The following MCF2L variants were observed in gnomAD, a reference collection of about 807,000 sequenced individuals.
MCF2L encodes the protein guanine nucleotide exchange factor DBS.
In MCF2L, 97 loss-of-function variants were observed where a neutral mutation model predicts 153.4. The observed-to-expected ratio is 0.63, with a 90% CI of 0.54 to 0.75. MCF2L has a LOEUF of 0.75. Among genes scored for constraint, MCF2L ranks in the 30% least tolerant of loss-of-function variants. MCF2L has a pLI of 0.00. For missense variants in MCF2L, 1,347 were observed against 1,495.2 expected (o/e 0.90, Z 1.64); for synonymous variants, 659 against 632.2 (o/e 1.04, Z -0.64).
intron 1 of MCF2L, among the ~76,000 whole-genome samples, chr13:112,900,507 G>A (rs1040447448): frequency 4.6e-5 from 7 of 152,274 alleles, no homozygotes; most frequent in African/African-American, 1.4e-4. Flanking sequence ...TAGCAGCAAA[G>A]GGATGAGTTG....
chr13:113,070,768 T>G lies in MCF2L; in HGVS notation c.996+595T>G, dbSNP rs1392651734. On this transcript the variant is annotated intron_variant, in intron 9 of 29. Coordinates refer to ENST00000535094, the MANE Select transcript of MCF2L (RefSeq NM_001112732.3). The surrounding 1 kb of genome is among the most constrained non-coding windows in gnomAD (Gnocchi z 5.6). ...GCACAGCTCTCTGCAGACCCCCAGG[T>G]GCCGGTGGCTCACTCATTGTGTTCC... Among the ~76,000 whole-genome samples the G allele has an allele frequency of 6.6e-6, 1 of 152,228 alleles. No homozygotes were observed. Among genetic ancestry groups the G allele is most frequent in the Non-Finnish European group, 1.5e-5 (1 of 68,042 alleles).
At position 112,926,713 on chromosome 13, in the gene MCF2L, A is replaced by G. The variant is rs536724237; in HGVS notation, c.169+24342A>G. Among the ~76,000 whole-genome samples, 118 of 152,364 alleles carry G rather than the reference A, an allele frequency of 7.7e-4. 1 individual carries two copies. The highest frequency in any genetic ancestry group is 7.6e-3 in the Admixed American group (117 of 15,312). On this transcript the variant is annotated intron_variant, in intron 2 of 29. Transcript: ENST00000375608. ...TGTTAAGTGAAATAAGCCAGGCACA[A>G]AAAGACAAATCCTGCATGTTCTCAC... is the stretch of plus-strand genomic sequence containing the variant.
In MCF2L at chr13:113,027,085, C is replaced by T. The variant is rs923918995; in HGVS notation, c.278+2327C>T. ...ATCCTTAAATATGGCATCTGTATCC[C>T]GCACATTACATAAGGTGGCAAAACA... On this transcript the variant is annotated intron_variant, in intron 3 of 29. Transcript: ENST00000535094. This position sits in a 1 kb window ranked among gnomAD's most constrained non-coding sequence, Gnocchi z 4.8. The T allele has an allele frequency of 2.0e-5, 15 of 753,206 alleles. No homozygotes were observed. The highest frequency in any genetic ancestry group is 1.5e-4 in the African/African-American group (9 of 58,794). The allele number at this position is 753,206 out of a possible 1,614,324, so 46.7% of individuals were successfully genotyped here.
intron 1 of MCF2L, among the ~76,000 whole-genome samples, chr13:112,900,676 C>T (rs956068639): frequency 7.2e-5 from 11 of 152,016 alleles, no homozygotes; most frequent in African/African-American, 2.7e-4. Context: ...CTGTGAGGGG[C>T]ATGGGTGTGG....
rs930533452 is a variant in MCF2L, at chr13:113,031,622, G to A, written c.278+6864G>A. Among the ~76,000 whole-genome samples the A allele has an allele frequency of 8.5e-5, 13 of 152,142 alleles. No homozygotes were observed. The South Asian group carries it at 2.3e-3, about 27-fold the overall frequency. On this transcript the variant is annotated intron_variant, in intron 3 of 29. Coordinates refer to ENST00000535094, the MANE Select transcript of MCF2L (RefSeq NM_001112732.3). This position sits in a 1 kb window ranked among gnomAD's most constrained non-coding sequence, Gnocchi z 5.5. ...GAGGAGCTGGGAGATGGGGAGGAGG[G>A]CGGCGGCCCTCAGAGAAGGGACGAG... is the stretch of plus-strand genomic sequence containing the variant.
rs117202946 is a variant in MCF2L at position 113,055,565 on chromosome 13, G to A, written c.370-5028G>A. Among the ~76,000 whole-genome samples, 902 of 152,246 alleles carry A rather than the reference G, an allele frequency of 5.9e-3. 11 individuals carry two copies. The highest frequency in any genetic ancestry group is 7.1e-3 in the Non-Finnish European group (486 of 68,004). ...ACCATCAGAAAAAGACTGGTTTTCCGTAAATAGTGGTGTCCAATTTCACAG... is the reference window on the plus strand; with the variant it reads ...ACCATCAGAAAAAGACTGGTTTTCCATAAATAGTGGTGTCCAATTTCACAG... On this transcript the variant is annotated intron_variant, in intron 4 of 29. Transcript: ENST00000535094.
intron 1 of MCF2L, among the ~76,000 whole-genome samples, chr13:112,989,996 G>C (rs575400718): frequency 2.6e-5 from 4 of 152,308 alleles, no homozygotes; most frequent in African/African-American, 7.2e-5. Context: ...TTCGCTCCTA[G>C]GAGAATCAAA....
At chr13:113,095,847 G>A (rs2035601802) in intron 27 of MCF2L, 4 of 982,494 alleles carry the variant, frequency 4.1e-6, no homozygotes, top group Non-Finnish European at 4.9e-6. Flanking sequence ...TGCAGCATCC[G>A]CTGTGTGCCA....
chr13:112,979,074 A>G (rs1185032369), intron 1 of MCF2L, among the ~76,000 whole-genome samples: 1 of 152,228 alleles, frequency 6.6e-6, no homozygotes, highest in Non-Finnish European at 1.5e-5. Context: ...CCGGCCACGC[A>G]AAGCAACCTC....
At chr13:112,994,548 TC>T (rs1186563111) in intron 1 of MCF2L, among the ~76,000 whole-genome samples, 1 of 152,206 alleles carries the variant, frequency 6.6e-6, no homozygotes, top group African/African-American at 2.4e-5. Context: ...ACATTTGGAT[TC>T]CCCTTTGGTG....
intron 3 of MCF2L, among the ~76,000 whole-genome samples, chr13:113,029,842 G>GA (rs994507716): frequency 2.0e-5 from 3 of 152,178 alleles, no homozygotes; most frequent in Admixed American, 1.3e-4. Context: ...CTTTAAGTGG[G>GA]AAAAAAGTGA....
At chr13:112,942,541 T>C (rs1384481102) in intron 2 of MCF2L, among the ~76,000 whole-genome samples, 1 of 152,214 alleles carries the variant, frequency 6.6e-6, no homozygotes, top group African/African-American at 2.4e-5. Context: ...GTCTTGTGTC[T>C]TTATTTCTAC....
At chr13:113,095,969 T>C (rs1327679877) in intron 27 of MCF2L, 11 of 409,440 alleles carry the variant, frequency 2.7e-5, no homozygotes, top group African/African-American at 1.1e-4. Context: ...GCAGGACAGC[T>C]GCAGGGAGAG....
intron 2 of MCF2L, among the ~76,000 whole-genome samples, chr13:112,923,294 T>G (rs1378099383): frequency 7.3e-6 from 1 of 137,764 alleles, no homozygotes; most frequent in African/African-American, 2.7e-5. Flanking sequence ...GACGGAGTCT[T>G]GCTCTGTCAC....
intron 3 of MCF2L, chr13:113,040,850 G>A (rs898004090): frequency 6.6e-6 from 1 of 152,244 alleles, no homozygotes; most frequent in African/African-American, 2.4e-5. Flanking sequence ...TGCACCCGCA[G>A]GCCAGTGGGC....
chr13:112,957,506 C>T, intron 2 of MCF2L: 1 of 152,256 alleles, frequency 6.6e-6, no homozygotes, highest in Non-Finnish European at 1.5e-5. Context: ...GTGAGCTGGG[C>T]TTCCACCCTG....
At position 113,048,410 on chromosome 13, in the gene MCF2L, T is replaced by C. The variant is rs11840702; in HGVS notation, c.369+3049T>C. On this transcript the variant is annotated intron_variant, in intron 4 of 29. Coordinates refer to ENST00000535094, the MANE Select transcript of MCF2L (RefSeq NM_001112732.3). ...ACCCAGAATTCTCTCTGAACACCAG[T>C]GCTTTCTTGCTATAATAATTTACGG... Among the ~76,000 whole-genome samples, 605 of 151,662 alleles carry C rather than the reference T, an allele frequency of 4.0e-3. 3 individuals are homozygous for C. Among genetic ancestry groups the C allele is most frequent in the African/African-American group, 0.014 (582 of 41,422 alleles).
rs1452668480 is a variant in MCF2L at position 113,070,667 on chromosome 13, G to A, written c.996+494G>A. Among the ~76,000 whole-genome samples the A allele has an allele frequency of 6.6e-6, 1 of 152,122 alleles. No individual in the cohort carries two copies. The highest frequency in any genetic ancestry group is 1.9e-4 in the East Asian group (1 of 5,188). ...CAACCACTCATCTGTTTCCGTGGCT[G>A]TGCTTTTGCCATTTCAAGAATGTGA... On this transcript the variant is annotated intron_variant, in intron 9 of 29. Transcript: ENST00000535094. This position sits in a 1 kb window ranked among gnomAD's most constrained non-coding sequence, Gnocchi z 5.6.
chr13:112,968,965 C>T (rs2081950204), upstream of MCF2L: 2 of 447,058 alleles, frequency 4.5e-6, no homozygotes. Context: ...CCTAGTGACA[C>T]AGGTGACACT....
Sources: gnomAD v4.1 joint callset for allele counts (sites outside exome capture counted in the v4.1 genomes callset) on GRCh38, gnomAD v4.1.1 for gene constraint, Gnocchi (gnomAD v3.1) non-coding constraint, MANE v1.5 for transcripts, NCBI Gene and HGNC (gene_info 2026-07-23, HGNC 2026-07-21) for gene names.